The following ENTPD5 variants were observed in gnomAD, a reference collection of about 807,000 sequenced individuals.
The protein encoded by ENTPD5 is ectonucleoside triphosphate diphosphohydrolase 5 (inactive).
In ENTPD5, 49 loss-of-function variants were observed where a neutral mutation model predicts 60.2. That is an observed-to-expected ratio of 0.81 (90% CI 0.65 to 1.03). The LOEUF is 1.03. Among genes scored for constraint, ENTPD5 ranks in the 50% least tolerant of loss-of-function variants. The pLI is 0.00. For synonymous variants in ENTPD5, 187 were observed against 185.4 expected, an observed-to-expected ratio of 1.01 and a Z score of -0.07; for missense variants, 480 against 507.6, an observed-to-expected ratio of 0.95 and a Z score of 0.52.
At chr14:73,995,640 T>C (rs543868842) in intron 3 of ENTPD5, among the ~76,000 whole-genome samples, 19 of 150,214 alleles carry the variant, frequency 1.3e-4, no homozygotes, top group African/African-American at 4.7e-4. Flanking sequence ...TTCCAAAAAA[T>C]TACCCAGCCC....
chr14:73,960,378 T>C (rs1720049431), downstream of ENTPD5: 1 of 987,300 alleles, frequency 1.0e-6, no homozygotes, highest in Admixed American at 6.0e-5. Flanking sequence ...ACACAGCCTT[T>C]GGATAATATG....
rs1467246625 is a variant in ENTPD5, at chr14:73,963,859, T to C, written c.*3069A>G. On this transcript the variant is annotated 3_prime_UTR_variant, in exon 16 of 16. Transcript: ENST00000334696. ...GATGAAATGAAGAGAAACAGTCTGC[T>C]TTTGAACCAAGTAAGGTATTCTTGG... The C allele has an allele frequency of 1.3e-5, 2 of 152,242 alleles. No homozygotes were observed. Among genetic ancestry groups the C allele is most frequent in the African/African-American group, 2.4e-5 (1 of 41,460 alleles). The allele number at this position is 152,242 out of a possible 1,614,324, so 9.4% of individuals were successfully genotyped here. A position where few individuals can be genotyped will look rare whatever the true frequency, so the allele number is the denominator to read the frequency against.
At chr14:74,006,181 C>T (rs531732814) in intron 3 of ENTPD5, among the ~76,000 whole-genome samples, 11 of 151,642 alleles carry the variant, frequency 7.3e-5, no homozygotes, top group Non-Finnish European at 1.2e-4. Flanking sequence ...AGAGACAAAG[C>T]GGGGTTTCTC....
intron 6 of ENTPD5, among the ~76,000 whole-genome samples, chr14:73,979,840 A>C (rs1385932150): frequency 6.6e-6 from 1 of 152,192 alleles, no homozygotes; most frequent in Admixed American, 6.5e-5. Flanking sequence ...TCACAGAGAC[A>C]TATTAGGCTG....
downstream of ENTPD5, chr14:73,959,211 T>C: frequency 6.2e-7 from 1 of 1,614,236 alleles, no homozygotes; most frequent in Non-Finnish European, 8.5e-7. Flanking sequence ...TCTGGGCCTA[T>C]TGCTCTGCTC....
chr14:73,987,075 G>C, intron 4 of ENTPD5, 182 bp from the exon 5 acceptor site: 1 of 707,754 alleles, frequency 1.4e-6, no homozygotes, highest in Non-Finnish European at 2.6e-6. Context: ...AACCTCTGAG[G>C]GTCCATTTCT....
At chr14:73,971,422 G>T (rs1479083098) in intron 14 of ENTPD5, among the ~76,000 whole-genome samples, 1 of 152,204 alleles carries the variant, frequency 6.6e-6, no homozygotes, top group Admixed American at 6.5e-5. Context: ...CTCCCAAAAT[G>T]CTGGGATTAC....
chr14:73,983,676 A>G (rs911776037), intron 5 of ENTPD5, among the ~76,000 whole-genome samples: 12 of 110,376 alleles, frequency 1.1e-4, no homozygotes, highest in African/African-American at 3.5e-4. Flanking sequence ...CTAATAAAAA[A>G]TTATTATTAT....
intron 11 of ENTPD5, among the ~76,000 whole-genome samples, 161 bp downstream of exon 11, chr14:73,974,763 T>C (rs1227669220): frequency 6.6e-6 from 1 of 152,220 alleles, no homozygotes; most frequent in East Asian, 1.9e-4. Flanking sequence ...ACTTATAAAC[T>C]AGAAAAGGAG....
chr14:73,997,468 C>T (rs1161241150), intron 3 of ENTPD5, among the ~76,000 whole-genome samples: 1 of 152,130 alleles, frequency 6.6e-6, no homozygotes, highest in African/African-American at 2.4e-5. Context: ...CTCCCACTGA[C>T]AATTCATCTG....
At chr14:73,961,297 A>T (rs2074930), downstream of ENTPD5, 96,666 of 1,614,026 alleles carry the variant, frequency 0.06, 5,430 homozygotes, top group East Asian at 0.32. Flanking sequence ...GCCAGGGTGG[A>T]TGCCAAAAGC....
downstream of ENTPD5, among the ~76,000 whole-genome samples, chr14:73,957,101 ATT>A (rs1418106208): frequency 4.2e-5 from 6 of 143,512 alleles, no homozygotes; most frequent in South Asian, 2.2e-4. Context: ...TATTATTATT[ATT>A]TTTTTTTTTT....
chr14:73,988,031 C>T lies in ENTPD5; in HGVS notation c.72G>A (p.Arg24=). The T allele has an allele frequency of 6.2e-7, 1 of 1,614,118 alleles. No homozygotes were observed. The highest frequency in any genetic ancestry group is 8.5e-7 in the Non-Finnish European group (1 of 1,180,028). ...TACCCTCAAACCAAGTCTGCTGGTT[C>T]CTGTGGGAGACAGCGCTGCAAACAC... ...VSCVCSAVSH[R]NQQTWFEGIF... The change falls in exon 4 of 16, where the codon AGG becomes AGA. Residue 24 remains arginine, a synonymous_variant. Coordinates refer to ENST00000334696, the MANE Select transcript of ENTPD5 (RefSeq NM_001249.5).
At chr14:73,959,891 GA>G, downstream of ENTPD5, 7 of 1,219,934 alleles carry the variant, frequency 5.7e-6, no homozygotes, top group South Asian at 1.8e-5. Context: ...TTTGAGTCAG[GA>G]AAAAGGAGTA....
At chr14:73,980,844 TCCCAGTACTTTGGGAGG>T (rs2057657146) in intron 6 of ENTPD5, among the ~76,000 whole-genome samples, 1 of 152,202 alleles carries the variant, frequency 6.6e-6, no homozygotes, top group Non-Finnish European at 1.5e-5. Context: ...ATGCCTGTAA[TCCCAGTACTTTGGGAGG>T]CTGAGGCGGG....
In ENTPD5 at chr14:73,974,914, CCAGA is replaced by C. The variant is rs756887841; in HGVS notation, c.784+6_784+9del. The C allele has an allele frequency of 2.5e-6, 4 of 1,610,960 alleles. No homozygotes were observed. In the Admixed American group the frequency reaches 6.7e-5, roughly 27 times the overall value. ...CACCATCCCCCCCCAGCACAGGTAC[CCAGA>C]CAAACCTTCTGTCTCCAGGGCTCCC... On this transcript the variant is annotated splice_donor_region_variant and intron_variant, in intron 11 of 15. Coordinates refer to ENST00000334696, the MANE Select transcript of ENTPD5 (RefSeq NM_001249.5).
chr14:73,989,378 A>G (rs2058038840), intron 3 of ENTPD5, among the ~76,000 whole-genome samples: 1 of 149,024 alleles, frequency 6.7e-6, no homozygotes, highest in African/African-American at 2.4e-5. Flanking sequence ...CCTGGCCAAC[A>G]TGGTGAAACC....
chr14:73,955,886 G>A, downstream of ENTPD5: 5 of 1,614,166 alleles, frequency 3.1e-6, no homozygotes, highest in Non-Finnish European at 4.2e-6. Context: ...GGAGAATGAT[G>A]TCATCATGCA....
intron 10 of ENTPD5, 117 bp downstream of exon 10, chr14:73,975,819 G>A: frequency 1.2e-6 from 1 of 837,098 alleles, no homozygotes; most frequent in Non-Finnish European, 1.9e-6. Flanking sequence ...AGGCCTTAGG[G>A]AATTGGCACA....
Sources: gnomAD v4.1 joint callset for allele counts (sites outside exome capture counted in the v4.1 genomes callset) on GRCh38, gnomAD v4.1.1 for gene constraint, MANE v1.5 for transcripts, NCBI Gene and HGNC (gene_info 2026-07-23, HGNC 2026-07-21) for gene names.